Variants in SEC61A1 observed in about 807,000 individuals in gnomAD.
The protein encoded by SEC61A1 is SEC61 translocon subunit alpha 1, also known as protein transport protein Sec61 subunit alpha isoform 1.
In SEC61A1, 15 loss-of-function variants were observed where a neutral mutation model predicts 55.2. That is an observed-to-expected ratio of 0.27 (90% CI 0.18 to 0.42). The LOEUF (loss-of-function observed/expected upper bound fraction) is 0.42. Ranked by LOEUF, SEC61A1 falls within the 10% of genes least tolerant of loss-of-function variation. The pLI, the probability that SEC61A1 is intolerant of heterozygous loss-of-function variation, is 1.00. For missense variants in SEC61A1, 284 were observed against 602.6 expected, an observed-to-expected ratio of 0.47 and a Z score of 5.53; for synonymous variants, 247 against 234.0, an observed-to-expected ratio of 1.06 and a Z score of -0.51.
chr3:128,058,001 GTATTTGCCTCATATC>G (rs1267570503), intron 5 of SEC61A1, among the ~76,000 whole-genome samples: 1 of 151,932 alleles, frequency 6.6e-6, no homozygotes, highest in Non-Finnish European at 1.5e-5. Flanking sequence ...GATAATAATG[GTATTTGCCTCATATC>G]TAATAAGTGT....
chr3:128,057,017 A>G (rs566585248), intron 5 of SEC61A1, among the ~76,000 whole-genome samples, 177 bp downstream of exon 5: 21 of 151,676 alleles, frequency 1.4e-4, no homozygotes, highest in Admixed American at 6.6e-4. Flanking sequence ...GCTCACTGCA[A>G]CCTCCACCTC....
rs748028304 is a variant in SEC61A1 at position 128,070,023 on chromosome 3, C to G, written c.*361C>G. The G allele has an allele frequency of 5.6e-6, 1 of 177,074 alleles. No individual in the cohort carries two copies. The highest frequency in any genetic ancestry group is 1.5e-4 in the South Asian group (1 of 6,630). 11.0% of individuals were successfully genotyped at this position (177,074 alleles called of 1,614,324 possible). ...TTCCCCACAAAGGGAATTTCTCACTCTGGTTGGAAGCACAAACACTGAAAT... is the reference window on the plus strand; with the variant it reads ...TTCCCCACAAAGGGAATTTCTCACTGTGGTTGGAAGCACAAACACTGAAAT... On this transcript the variant is annotated 3_prime_UTR_variant, in exon 12 of 12. Coordinates refer to ENST00000243253, the MANE Select transcript of SEC61A1 (RefSeq NM_013336.4).
chr3:128,067,554 G>T lies in SEC61A1; in HGVS notation c.1109G>T (p.Gly370Val), dbSNP rs764844008. 1 of 1,613,690 alleles carries T rather than the reference G, an allele frequency of 6.2e-7. No homozygotes were observed. The highest frequency in any genetic ancestry group is 1.1e-5 in the South Asian group (1 of 90,954). Residue 370 changes from glycine to valine, a missense_variant, in exon 10 of 12, where the codon GGC becomes GTC. Transcript: ENST00000243253. The surrounding 1 kb of genome is among the most constrained non-coding windows in gnomAD (Gnocchi z 4.1). ...GTTGTATACATAGTGTTCATGCTGGGCTCCTGTGCATTCTTCTCCAAAACG... is the reference window on the plus strand; with the variant it reads ...GTTGTATACATAGTGTTCATGCTGGTCTCCTGTGCATTCTTCTCCAAAACG... ...HAVVYIVFML[G>V]SCAFFSKTWI...
intron 3 of SEC61A1, 30 bp from the exon 4 acceptor site, chr3:128,055,643 C>T (rs1159707106): frequency 6.2e-7 from 1 of 1,607,340 alleles, no homozygotes. Context: ...AACAGGAGTG[C>T]TGACTGTTTT....
At chr3:128,052,660 C>T in intron 1 of SEC61A1, 101 bp downstream of exon 1, 2 of 1,542,212 alleles carry the variant, frequency 1.3e-6, no homozygotes, top group Non-Finnish European at 1.8e-6. Context: ...TGACCGGCCC[C>T]CTGCAGAACG....
intron 7 of SEC61A1, among the ~76,000 whole-genome samples, chr3:128,064,452 G>T (rs1941901166): frequency 6.7e-6 from 1 of 150,352 alleles, no homozygotes; most frequent in Non-Finnish European, 1.5e-5. Context: ...ACCAGACTGG[G>T]TAACATAGTG....
upstream of SEC61A1, chr3:128,052,403 GCC>G (rs1941697896): frequency 1.7e-6 from 2 of 1,207,630 alleles, no homozygotes; most frequent in African/African-American, 3.2e-5. Flanking sequence ...CCCGCCCCGC[GCC>G]GCGCCGCGCC....
At chr3:128,052,789 A>T in intron 1 of SEC61A1, 46 bp from the exon 2 acceptor site, 1 of 1,572,764 alleles carries the variant, frequency 6.4e-7, no homozygotes, top group Non-Finnish European at 8.8e-7. Flanking sequence ...GCGGAAGGTT[A>T]CTTCTCTGTG....
intron 5 of SEC61A1, among the ~76,000 whole-genome samples, chr3:128,059,468 CAA>C (rs796958852): frequency 1.1e-4 from 11 of 99,562 alleles, no homozygotes; most frequent in Non-Finnish European, 4.3e-5. Flanking sequence ...GACTCCGTCT[CAA>C]AAAAAAAAAA....
chr3:128,054,753 C>T (rs192547943), intron 2 of SEC61A1, among the ~76,000 whole-genome samples: 36 of 152,326 alleles, frequency 2.4e-4, no homozygotes, highest in Admixed American at 1.3e-3. Flanking sequence ...GTAGTGTAGG[C>T]AGCAGGTATT....
At position 128,052,718 on chromosome 3, in the gene SEC61A1, G is replaced by A; in HGVS notation, c.8-117G>A. On this transcript the variant is annotated intron_variant, in intron 1 of 11. Transcript: ENST00000243253. ...TCGAGTATCCCCACGCGTCCGGGGT[G>A]CGGCCGGCTCCCCTGGCCCCTGCTC... 3 of 1,494,136 alleles carry A rather than the reference G, an allele frequency of 2.0e-6. No individual in the cohort carries two copies. The South Asian group carries it at 3.5e-5, about 17-fold the overall frequency. The allele number at this position is 1,494,136 out of a possible 1,614,324, so 92.6% of individuals were successfully genotyped here.
At position 128,060,089 on chromosome 3, in the gene SEC61A1, C is replaced by G. The variant is rs1282419735; in HGVS notation, c.353-13C>G. ...TGACCCACTTGGAAAACACTTCTTT[C>G]TTTCAATTCTAGTATTTGGCATGAT... On this transcript the variant is annotated splice_polypyrimidine_tract_variant and intron_variant, in intron 5 of 11. Coordinates refer to ENST00000243253, the MANE Select transcript of SEC61A1 (RefSeq NM_013336.4). 1 of 1,597,578 alleles carries G rather than the reference C, an allele frequency of 6.3e-7. No individual in the cohort carries two copies. The highest frequency in any genetic ancestry group is 1.7e-4 in the Middle Eastern group (1 of 6,030).
Position 128,052,463 on chromosome 3 carries a change from G to A in SEC61A1, c.-90G>A, listed in dbSNP as rs940944447. The A allele has an allele frequency of 1.4e-5, 21 of 1,526,970 alleles. No homozygotes were observed. Among genetic ancestry groups the A allele is most frequent in the Non-Finnish European group, 1.8e-5 (20 of 1,137,342 alleles). 94.6% of individuals were successfully genotyped at this position (1,526,970 alleles called of 1,614,324 possible). On this transcript the variant is annotated 5_prime_UTR_variant, in exon 1 of 12. Transcript: ENST00000243253. ...ACGTGTCTCTCGGCGGAGCTGCTGT[G>A]CAGTGGAACGCGCTGGGCCGCGGGC...
intron 7 of SEC61A1, 124 bp downstream of exon 7, chr3:128,060,785 C>T: frequency 5.8e-6 from 6 of 1,036,726 alleles, no homozygotes; most frequent in Non-Finnish European, 8.2e-6. Flanking sequence ...TTTATCTCTT[C>T]TGGTGTTTGG....
chr3:128,055,504 C>G lies in SEC61A1; in HGVS notation c.76-12C>G. On this transcript the variant is annotated splice_polypyrimidine_tract_variant and intron_variant, in intron 2 of 11. Transcript: ENST00000243253. Reference sequence around the variant, plus strand: ...GTAACTCCCTGCTTCAATTCATTCTCTCCTACTCTAGATTCAGTTTAAGGA... The same window carrying G: ...GTAACTCCCTGCTTCAATTCATTCTGTCCTACTCTAGATTCAGTTTAAGGA... 5 of 1,601,688 alleles carry G rather than the reference C, an allele frequency of 3.1e-6. No individual in the cohort carries two copies. In the South Asian group the frequency reaches 4.4e-5, roughly 14 times the overall value.
At chr3:128,060,760 A>T (rs1200950891) in intron 7 of SEC61A1, 99 bp downstream of exon 7, 4 of 1,264,906 alleles carry the variant, frequency 3.2e-6, no homozygotes, top group Non-Finnish European at 4.3e-6. Context: ...ACAGAAAAAT[A>T]ATGTCAGTTT....
upstream of SEC61A1, chr3:128,051,738 C>G: frequency 6.7e-7 from 1 of 1,488,464 alleles, no homozygotes; most frequent in Non-Finnish European, 8.9e-7. Flanking sequence ...AGGTACTCTC[C>G]CAGGAGGCCT....
chr3:128,067,826 G>C lies in SEC61A1; in HGVS notation c.1168-157G>C. On this transcript the variant is annotated intron_variant, in intron 10 of 11. Transcript: ENST00000243253. The surrounding 1 kb of genome is among the most constrained non-coding windows in gnomAD (Gnocchi z 4.1). ...AATCTGAATCCACACTGTAAAGTTA[G>C]ACTTTTTCATATGACTTCCTTGCGG... The C allele has an allele frequency of 5.6e-6, 4 of 719,838 alleles. No homozygotes were observed. Among genetic ancestry groups the C allele is most frequent in the Non-Finnish European group, 9.6e-6 (4 of 418,008 alleles). The allele number at this position is 719,838 out of a possible 1,614,324, so 44.6% of individuals were successfully genotyped here.
rs188256296 is a variant in SEC61A1 at position 128,058,625 on chromosome 3, C to T, written c.353-1477C>T. On this transcript the variant is annotated intron_variant, in intron 5 of 11. Coordinates refer to ENST00000243253, the MANE Select transcript of SEC61A1 (RefSeq NM_013336.4). ...ACTTGTATCCCAGCACTTTGGGAGG[C>T]CAAGGCAGGATGATTGCTTGAGGCC... Among the ~76,000 whole-genome samples the T allele has an allele frequency of 2.6e-4, 40 of 152,244 alleles. No individual in the cohort carries two copies. The East Asian group carries it at 7.5e-3, about 29-fold the overall frequency.
Sources: gnomAD v4.1 joint callset for allele counts (sites outside exome capture counted in the v4.1 genomes callset) on GRCh38, gnomAD v4.1.1 for gene constraint, Gnocchi (gnomAD v3.1) non-coding constraint, MANE v1.5 for transcripts, NCBI Gene and HGNC (gene_info 2026-07-23, HGNC 2026-07-21) for gene names.